The following NKX6-1 variants were observed in gnomAD, a reference collection of about 807,000 sequenced individuals.
NKX6-1 encodes the protein NK6 homeobox 1, also known as homeobox protein Nkx-6.1.
A neutral mutation model predicts 24.9 loss-of-function variants in NKX6-1; 11 were observed. The ratio of observed to expected loss-of-function variants is 0.44; its 90% CI spans 0.28 to 0.73. NKX6-1 has a LOEUF of 0.73. NKX6-1 is among the 30% of genes least tolerant of loss of function. The probability of loss-of-function intolerance (pLI) is 0.15; values close to 1 mark genes in which losing one functional copy is unlikely to be tolerated. For missense variants in NKX6-1, 487 were observed against 502.9 expected, an observed-to-expected ratio of 0.97 and a Z score of 0.30; for synonymous variants, 277 against 242.9, an observed-to-expected ratio of 1.14 and a Z score of -1.31.
intron 1 of NKX6-1, among the ~76,000 whole-genome samples, chr4:84,496,124 T>C (rs1353482937): frequency 1.3e-5 from 2 of 152,280 alleles, no homozygotes; most frequent in East Asian, 3.9e-4. Flanking sequence ...TGCTAAAGTT[T>C]GCCAGAGCCT....
chr4:84,495,882 C>T, intron 1 of NKX6-1, 38 bp from the exon 2 acceptor site: 1 of 1,604,246 alleles, frequency 6.2e-7, no homozygotes, highest in Middle Eastern at 1.7e-4. Flanking sequence ...GGGGGAAAAA[C>T]AATCGGTTAC....
chr4:84,495,935 G>T, intron 1 of NKX6-1, 91 bp from the exon 2 acceptor site: 1 of 1,299,146 alleles, frequency 7.7e-7, no homozygotes, highest in Non-Finnish European at 1.1e-6. Flanking sequence ...GAAAAACAAT[G>T]TTTTGTGGGG....
chr4:84,496,633 T>C (rs979429073), intron 1 of NKX6-1: 14 of 152,238 alleles, frequency 9.2e-5, no homozygotes, highest in African/African-American at 3.4e-4. Context: ...GGCCCTGAAG[T>C]CCACCTGGAA....
rs537304076 is a variant in NKX6-1, at chr4:84,492,089, C to A, written c.*1200G>T. 1 of 152,012 alleles carries A rather than the reference C, an allele frequency of 6.6e-6. No individual in the cohort carries two copies. Among genetic ancestry groups the A allele is most frequent in the Non-Finnish European group, 1.5e-5 (1 of 68,000 alleles). 9.4% of individuals were successfully genotyped at this position (152,012 alleles called of 1,614,324 possible). ...TTTTCTTCTCTTTACAAACCGAATT[C>A]CTTATATAAATTAATAAAGGTTAAA... On this transcript the variant is annotated 3_prime_UTR_variant, in exon 3 of 3. Coordinates refer to ENST00000295886, the MANE Select transcript of NKX6-1 (RefSeq NM_006168.3).
In NKX6-1 at chr4:84,497,842, C is replaced by A. The variant is rs1419304481; in HGVS notation, c.387G>T (p.Ser129=). Residue 129 remains serine (S), a synonymous_variant, in exon 1 of 3, where the codon TCG becomes TCT. Coordinates refer to ENST00000295886, the MANE Select transcript of NKX6-1 (RefSeq NM_006168.3). This position sits in a 1 kb window ranked among gnomAD's most constrained non-coding sequence, Gnocchi z 4.8. ...CAGAGGCGGAGGAGGCAGAGGCGGA[C>A]GAGGAAGAGGAGGAGGAGGAACCGG... is the stretch of plus-strand genomic sequence containing the variant. ...SPSGSSSSSS[S]SASASSASAA... is the part of the protein sequence containing the mutation. 3 of 1,266,082 alleles carry A rather than the reference C, an allele frequency of 2.4e-6. No homozygotes were observed. The South Asian group carries it at 9.2e-5, about 39-fold the overall frequency. 78.4% of individuals were successfully genotyped at this position (1,266,082 alleles called of 1,614,324 possible).
rs1192967196 is a variant in NKX6-1 at position 84,493,504 on chromosome 4, C to T, written c.889G>A (p.Ala297Thr). The change falls in exon 3 of 3, where the codon GCC becomes ACC. Residue 297 changes from alanine to threonine, a missense_variant. Around this residue, in one of 3 missense-constraint regions of NKX6-1, gnomAD observed 126 missense variants for 105.5 expected, o/e 1.19. Transcript: ENST00000295886. The surrounding 1 kb of genome is among the most constrained non-coding windows in gnomAD (Gnocchi z 5.1). ...RRTKWRKKHAAEMATAKKKQD... is the reference protein window; with the variant it reads ...RRTKWRKKHATEMATAKKKQD... The stretch of plus-strand genomic sequence containing the variant: ...TTCTTCTTGGCCGTGGCCATCTCGG[C>T]AGCGTGCTTCTTCCTCCACTTGGTC... 2.5e-6 allele frequency: 4 copies of T among 1,614,130 alleles called. No individual in the cohort carries two copies. Among genetic ancestry groups the T allele is most frequent in the Non-Finnish European group, 3.4e-6 (4 of 1,180,056 alleles).
chr4:84,496,168 G>A (rs989847061), intron 1 of NKX6-1, among the ~76,000 whole-genome samples: 4 of 152,044 alleles, frequency 2.6e-5, no homozygotes, highest in Admixed American at 6.6e-5. Context: ...ACGACTGCCA[G>A]AAAAAGGCCA....
At position 84,493,207 on chromosome 4, in the gene NKX6-1, C is replaced by A. The variant is rs1249906014; in HGVS notation, c.*82G>T. ...CTCCGGGCCCCGAGGAGCGGGCAGGCGCGGCGTGCACGCGGTCCCCGCGCC... is the reference window on the plus strand; with the variant it reads ...CTCCGGGCCCCGAGGAGCGGGCAGGAGCGGCGTGCACGCGGTCCCCGCGCC... On this transcript the variant is annotated 3_prime_UTR_variant, in exon 3 of 3. Coordinates refer to ENST00000295886, the MANE Select transcript of NKX6-1 (RefSeq NM_006168.3). This position sits in a 1 kb window ranked among gnomAD's most constrained non-coding sequence, Gnocchi z 5.1. 1.5e-6 allele frequency: 2 copies of A among 1,297,514 alleles called. No individual in the cohort carries two copies. Among genetic ancestry groups the A allele is most frequent in the Non-Finnish European group, 9.9e-7 (1 of 1,009,316 alleles). 80.4% of individuals were successfully genotyped at this position (1,297,514 alleles called of 1,614,324 possible).
chr4:84,498,242 C>A lies in NKX6-1; in HGVS notation c.-14G>T. On this transcript the variant is annotated 5_prime_UTR_variant, in exon 1 of 3. Coordinates refer to ENST00000295886, the MANE Select transcript of NKX6-1 (RefSeq NM_006168.3). ...CACCGCTAACATCCCACGGCCACGC[C>A]GGAGACCGTAGCCTTGCAGCGAGGG... The A allele has an allele frequency of 1.5e-6, 2 of 1,293,956 alleles. No homozygotes were observed. The highest frequency in any genetic ancestry group is 2.0e-6 in the Non-Finnish European group (2 of 1,020,602). The allele number at this position is 1,293,956 out of a possible 1,614,324, so 80.2% of individuals were successfully genotyped here.
At position 84,493,568 on chromosome 4, in the gene NKX6-1, G is replaced by A; in HGVS notation, c.844-19C>T. On this transcript the variant is annotated intron_variant, in intron 2 of 2. Coordinates refer to ENST00000295886, the MANE Select transcript of NKX6-1 (RefSeq NM_006168.3). This position sits in a 1 kb window ranked among gnomAD's most constrained non-coding sequence, Gnocchi z 5.1. ...ACCAGACCTGAGGGCGGAGAAAAGG[G>A]AGGAGAGGGGAGGCAAGGGCGAGGA... 6.2e-7 allele frequency: 1 copy of A among 1,613,280 alleles called. No homozygotes were observed. Among genetic ancestry groups the A allele is most frequent in the Non-Finnish European group, 8.5e-7 (1 of 1,179,406 alleles).
Position 84,493,731 on chromosome 4 carries a change from C to T in NKX6-1, c.844-182G>A, listed in dbSNP as rs559702836. ...AAGTCAGTCTCCGTCGCCCCAAGTT[C>T]CCCCTGAGTAACTGGCACCAACAAA... On this transcript the variant is annotated intron_variant, in intron 2 of 2. Transcript: ENST00000295886. This position sits in a 1 kb window ranked among gnomAD's most constrained non-coding sequence, Gnocchi z 5.1. 7.2e-5 allele frequency among the ~76,000 whole-genome samples: 11 copies of T among 152,310 alleles called. No homozygotes were observed. Among genetic ancestry groups the T allele is most frequent in the African/African-American group, 2.2e-4 (9 of 41,576 alleles).
At position 84,492,298 on chromosome 4, in the gene NKX6-1, G is replaced by C. The variant is rs1302294295; in HGVS notation, c.*991C>G. On this transcript the variant is annotated 3_prime_UTR_variant, in exon 3 of 3. Coordinates refer to ENST00000295886, the MANE Select transcript of NKX6-1 (RefSeq NM_006168.3). ...TAACACGCATTTTTATCAGAAAGGA[G>C]TTAAATACAAGCTATTGTAGCCCCT... The C allele has an allele frequency of 1.3e-5, 2 of 151,492 alleles. No homozygotes were observed. Among genetic ancestry groups the C allele is most frequent in the South Asian group, 2.1e-4 (1 of 4,666 alleles). The allele number at this position is 151,492 out of a possible 1,614,324, so 9.4% of individuals were successfully genotyped here.
chr4:84,495,742 G>A lies in NKX6-1; in HGVS notation c.773C>T (p.Thr258Ile). ...IFALEKTFEQ[T>I]KYLAGPERAR... ...CCTCTCGGGCCCCGCCAAGTATTTTGTTTGTTCGAAAGTCTTCTCCAGGGC... is the reference window on the plus strand; with the variant it reads ...CCTCTCGGGCCCCGCCAAGTATTTTATTTGTTCGAAAGTCTTCTCCAGGGC... Residue 258 changes from threonine to isoleucine, a missense_variant, in exon 2 of 3, where the codon ACA (threonine) becomes ATA (isoleucine). Thr to Ile is a moderately conservative substitution (Grantham distance 89, BLOSUM62 -1). Transcript: ENST00000295886. The A allele has an allele frequency of 1.2e-6, 2 of 1,613,812 alleles. No individual in the cohort carries two copies. The highest frequency in any genetic ancestry group is 1.7e-6 in the Non-Finnish European group (2 of 1,180,028).
intron 1 of NKX6-1, chr4:84,496,446 C>A (rs981062951): frequency 6.6e-6 from 1 of 152,302 alleles, no homozygotes; most frequent in Non-Finnish European, 1.5e-5. Flanking sequence ...CTCCCTGGCA[C>A]CCCCACCAGG....
At position 84,497,890 on chromosome 4, in the gene NKX6-1, G is replaced by T; in HGVS notation, c.339C>A (p.Ala113=). Residue 113 remains alanine, a synonymous_variant, in exon 1 of 3, where the codon GCC becomes GCA. Transcript: ENST00000295886. The surrounding 1 kb of genome is among the most constrained non-coding windows in gnomAD (Gnocchi z 4.8). ...SRPSMPVASG[A]ALPSASPSGS... Reference sequence around the variant, plus strand: ...CGGAGGGCGAGGCGGAGGGCAGGGCGGCCCCCGAGGCCACGGGCATGGAGG... The same window carrying T: ...CGGAGGGCGAGGCGGAGGGCAGGGCTGCCCCCGAGGCCACGGGCATGGAGG... The T allele has an allele frequency of 7.8e-7, 1 of 1,282,326 alleles. No individual in the cohort carries two copies. The highest frequency in any genetic ancestry group is 9.9e-7 in the Non-Finnish European group (1 of 1,014,860). 79.4% of individuals were successfully genotyped at this position (1,282,326 alleles called of 1,614,324 possible).
chr4:84,496,887 C>A (rs575344845), intron 1 of NKX6-1: 53 of 152,698 alleles, frequency 3.5e-4, no homozygotes, highest in Non-Finnish European at 7.0e-4. Flanking sequence ...AAAGCGCGGG[C>A]CCAGCGCTGG....
At chr4:84,495,965 G>A in intron 1 of NKX6-1, 121 bp from the exon 2 acceptor site, 1 of 985,148 alleles carries the variant, frequency 1.0e-6, no homozygotes, top group Non-Finnish European at 1.5e-6. Flanking sequence ...TCAGTCTGTG[G>A]CGGACACCAG....
In NKX6-1 at chr4:84,493,393, A is replaced by C. The variant is rs1720763602; in HGVS notation, c.1000T>G (p.Ser334Ala). ...AGCTGCGTGATTTTCTCGTCGTCCG[A>C]GTTGGGATCCAGAGGCTTATTGTAG... ...DDYNKPLDPN[S>A]DDEKITQLLK... is the part of the protein sequence containing the mutation. The change falls in exon 3 of 3, where the codon TCG becomes GCG. Residue 334 changes from serine to alanine, a missense_variant. This residue lies in a region of NKX6-1 where 126 missense variants were observed against 105.5 expected (regional missense o/e 1.19). Coordinates refer to ENST00000295886, the MANE Select transcript of NKX6-1 (RefSeq NM_006168.3). This position sits in a 1 kb window ranked among gnomAD's most constrained non-coding sequence, Gnocchi z 5.1. 6.2e-7 allele frequency: 1 copy of C among 1,613,980 alleles called. No homozygotes were observed. The highest frequency in any genetic ancestry group is 8.5e-7 in the Non-Finnish European group (1 of 1,180,012).
intron 2 of NKX6-1, among the ~76,000 whole-genome samples, chr4:84,494,286 C>T (rs1195121587): frequency 6.6e-6 from 1 of 151,602 alleles, no homozygotes; most frequent in Non-Finnish European, 1.5e-5. Flanking sequence ...ATTTTTAAAA[C>T]GTGAAAAATT....
Sources: allele counts gnomAD v4.1 joint callset (sites outside exome capture counted in the v4.1 genomes callset), GRCh38; gene constraint gnomAD v4.1.1; regional missense constraint gnomAD v4.1.1; non-coding constraint Gnocchi (gnomAD v3.1); transcripts MANE v1.5; gene names NCBI Gene and HGNC (gene_info 2026-07-23, HGNC 2026-07-21).